Variants in ACE observed in about 807,000 individuals in gnomAD.
The protein encoded by ACE is angiotensin-converting enzyme.
ACE carries 122 observed loss-of-function variants against 162.3 expected under a neutral mutation model. The ratio of observed to expected loss-of-function variants is 0.75; its 90% CI spans 0.65 to 0.87. The LOEUF is 0.87. Among genes scored for constraint, ACE ranks in the 40% least tolerant of loss-of-function variants. The pLI is 0.00. For synonymous variants in ACE, 796 were observed against 720.6 expected (o/e 1.10, Z -1.68); for missense variants, 1,799 against 1,735.1 (o/e 1.04, Z -0.65).
Position 63,479,757 on chromosome 17 carries a change from C to A in ACE, c.512-12C>A. ...GAGGCCTCCTCACCGACCCTGCCTG[C>A]CTGTGTCTCAGATCTCACCAACATC... On this transcript the variant is annotated splice_polypyrimidine_tract_variant and intron_variant, in intron 3 of 24. Coordinates refer to ENST00000290866, the MANE Select transcript of ACE (RefSeq NM_000789.4). The A allele has an allele frequency of 6.2e-7, 1 of 1,613,084 alleles. No individual in the cohort carries two copies. Among genetic ancestry groups the A allele is most frequent in the Non-Finnish European group, 8.5e-7 (1 of 1,180,028 alleles).
intron 9 of ACE, 92 bp from the exon 10 acceptor site, chr17:63,483,368 G>T: frequency 6.8e-7 from 1 of 1,464,400 alleles, no homozygotes; most frequent in East Asian, 2.3e-5. Context: ...GGATGGGGAA[G>T]GGTTGCCGGG....
In ACE at chr17:63,477,078, G is replaced by A; in HGVS notation, c.-17G>A. 1 of 1,297,426 alleles carries A rather than the reference G, an allele frequency of 7.7e-7. No homozygotes were observed. The highest frequency in any genetic ancestry group is 1.6e-5 in the African/African-American group (1 of 63,798). The allele number at this position is 1,297,426 out of a possible 1,614,324, so 80.4% of individuals were successfully genotyped here. Reference sequence around the variant, plus strand: ...GGCGCAGGAGAAGGGGCAGAGCCGAGCACCGCGCACCGCGTCATGGGGGCC... The same window carrying A: ...GGCGCAGGAGAAGGGGCAGAGCCGAACACCGCGCACCGCGTCATGGGGGCC... On this transcript the variant is annotated 5_prime_UTR_variant, in exon 1 of 25. Coordinates refer to ENST00000290866, the MANE Select transcript of ACE (RefSeq NM_000789.4).
rs749019292 is a variant in ACE at position 63,497,162 on chromosome 17, C to T, written c.3717C>T (p.Asp1239=). The change falls in exon 25 of 25, where the codon GAC becomes GAT. Residue 1239 remains aspartate (D), a synonymous_variant. Transcript: ENST00000290866. ...CTCGCTCAGAAGGGCCCCTCCCAGA[C>T]AGCGGCCGCGTCAGCTTCCTGGGCC... ...NSARSEGPLP[D]SGRVSFLGLD... The T allele has an allele frequency of 1.2e-6, 2 of 1,604,380 alleles. No individual in the cohort carries two copies. The highest frequency in any genetic ancestry group is 1.7e-6 in the Non-Finnish European group (2 of 1,179,326).
At chr17:63,486,145 C>T (rs1400888080) in intron 13 of ACE, 1 of 321,150 alleles carries the variant, frequency 3.1e-6, no homozygotes, top group Non-Finnish European at 6.0e-6. Context: ...TGTTACTGTT[C>T]CTTGGCACTT....
In ACE at chr17:63,497,406, C is replaced by T. The variant is rs756512471; in HGVS notation, c.*40C>T. ...GTCGGCCCTGCCCAAGGGCCTCCCA[C>T]CAGAGACTGGGATGGGAACACTGGT... On this transcript the variant is annotated 3_prime_UTR_variant, in exon 25 of 25. Coordinates refer to ENST00000290866, the MANE Select transcript of ACE (RefSeq NM_000789.4). 6.6e-7 allele frequency: 1 copy of T among 1,514,332 alleles called. No individual in the cohort carries two copies. Among genetic ancestry groups the T allele is most frequent in the South Asian group, 1.2e-5 (1 of 83,306 alleles). The allele number at this position is 1,514,332 out of a possible 1,614,324, so 93.8% of individuals were successfully genotyped here. A position where few individuals can be genotyped will look rare whatever the true frequency, so the allele number is the denominator to read the frequency against.
rs1378371903 is a variant in ACE at position 63,493,905 on chromosome 17, G to A, written c.3137-17G>A. On this transcript the variant is annotated splice_polypyrimidine_tract_variant and intron_variant, in intron 20 of 24. Transcript: ENST00000290866. Reference sequence around the variant, plus strand: ...CTAGGACCCTGGGTCTGACAGCTGGGCTCCCTTCCCTTGCAGAGCATGACA... The same window carrying A: ...CTAGGACCCTGGGTCTGACAGCTGGACTCCCTTCCCTTGCAGAGCATGACA... The A allele has an allele frequency of 6.2e-7, 1 of 1,614,180 alleles. No homozygotes were observed. Among genetic ancestry groups the A allele is most frequent in the East Asian group, 2.2e-5 (1 of 44,882 alleles).
At position 63,483,621 on chromosome 17, in the gene ACE, T is replaced by C; in HGVS notation, c.1586+63T>C. On this transcript the variant is annotated intron_variant, in intron 10 of 24. Transcript: ENST00000290866. ...CACACCCTCAATCCACTTCTCCTCC[T>C]GTGATCCTAGCTGCCTCATCCCCAG... 5.8e-6 allele frequency: 7 copies of C among 1,214,378 alleles called. 1 individual carries two copies. In the South Asian group the frequency reaches 7.3e-5, roughly 13 times the overall value. 75.2% of individuals were successfully genotyped at this position (1,214,378 alleles called of 1,614,324 possible).
Position 63,481,157 on chromosome 17 carries a change from A to C in ACE, c.914A>C (p.Asn305Thr). The C allele has an allele frequency of 7.0e-7, 1 of 1,419,724 alleles. No homozygotes were observed. The highest frequency in any genetic ancestry group is 9.4e-7 in the Non-Finnish European group (1 of 1,058,908). The allele number at this position is 1,419,724 out of a possible 1,614,324, so 87.9% of individuals were successfully genotyped here. Residue 305 changes from asparagine (N) to threonine (T), a missense_variant, in exon 6 of 25, where the codon AAC (asparagine) becomes ACC (threonine). By Grantham distance (65) the Asn-to-Thr change is moderately conservative (BLOSUM62 0). Transcript: ENST00000290866. ...DMVVPFPDKP[N>T]LDVTSTMLQQ... ...GTGGTGCCTTTCCCAGACAAGCCCA[A>C]CCTCGATGTCACCAGTACTATGCTG...
chr17:63,479,226 C>A, intron 3 of ACE, 126 bp downstream of exon 3: 1 of 806,462 alleles, frequency 1.2e-6, no homozygotes, highest in Non-Finnish European at 2.1e-6. Flanking sequence ...TGTTGCCCTC[C>A]AACTGGGGCT....
Position 63,491,471 on chromosome 17 carries a change from G to A in ACE, c.2912+90G>A. The A allele has an allele frequency of 2.6e-6, 4 of 1,543,804 alleles. No individual in the cohort carries two copies. Among genetic ancestry groups the A allele is most frequent in the Admixed American group, 1.7e-5 (1 of 59,184 alleles). On this transcript the variant is annotated intron_variant, in intron 19 of 24. Transcript: ENST00000290866. This position sits in a 1 kb window ranked among gnomAD's most constrained non-coding sequence, Gnocchi z 4.4. ...AAGGGTCCACTACTGTCCCCCAGCT[G>A]GAGCCAGCAGGGCAGGATGGGGACA...
chr17:63,483,734 C>G (rs1037340872), intron 10 of ACE, 115 bp from the exon 11 acceptor site: 1 of 1,580,006 alleles, frequency 6.3e-7, no homozygotes, highest in South Asian at 1.1e-5. Flanking sequence ...CCCTTCTCCC[C>G]CAAGATAGCT....
chr17:63,484,303 G>A lies in ACE; in HGVS notation c.1710-27G>A. The A allele has an allele frequency of 6.2e-7, 1 of 1,601,596 alleles. No individual in the cohort carries two copies. Among genetic ancestry groups the A allele is most frequent in the Non-Finnish European group, 8.5e-7 (1 of 1,176,338 alleles). ...GCAGACTCCAGCCTGAGTCCCCTGT[G>A]CCCATGGTACCCACTCTGCCCACCA... On this transcript the variant is annotated intron_variant, in intron 11 of 24. Transcript: ENST00000290866. The surrounding 1 kb of genome is among the most constrained non-coding windows in gnomAD (Gnocchi z 4.0).
At position 63,497,151 on chromosome 17, in the gene ACE, C is replaced by T; in HGVS notation, c.3706C>T (p.Pro1236Ser). 1.2e-6 allele frequency: 2 copies of T among 1,604,156 alleles called. No individual in the cohort carries two copies. Among genetic ancestry groups the T allele is most frequent in the Non-Finnish European group, 1.7e-6 (2 of 1,179,252 alleles). ...TTCCCGCTCAGCTCGCTCAGAAGGG[C>T]CCCTCCCAGACAGCGGCCGCGTCAG... The part of the protein sequence containing the change: ...WTPNSARSEG[P>S]LPDSGRVSFL... Residue 1236 changes from proline to serine, a missense_variant, in exon 25 of 25, where the codon CCC becomes TCC. Pro to Ser is a moderately conservative substitution (Grantham distance 74). Coordinates refer to ENST00000290866, the MANE Select transcript of ACE (RefSeq NM_000789.4).
chr17:63,490,674 G>C (rs2030309187), intron 17 of ACE: 2 of 482,170 alleles, frequency 4.1e-6, no homozygotes, highest in Non-Finnish European at 7.7e-6. Flanking sequence ...GTCAGCAGTT[G>C]CTAGTCACAT....
chr17:63,479,006 G>C lies in ACE; in HGVS notation c.418-1G>C. On this transcript the variant is annotated splice_acceptor_variant, in intron 2 of 24. Transcript: ENST00000290866. LOFTEE classifies it high-confidence loss of function. ...AGCATTCCTCCCCTCTGACTCCCCA[G>C]TACAACGCCCTGCTAAGCAACATGA... 6.2e-7 allele frequency: 1 copy of C among 1,613,250 alleles called. No homozygotes were observed. Among genetic ancestry groups the C allele is most frequent in the Non-Finnish European group, 8.5e-7 (1 of 1,179,726 alleles).
Position 63,483,567 on chromosome 17 carries a change from G to GCGGGGGGGGCC in ACE, c.1586+10_1586+11insGGGGGGGGCCC. 3 of 1,589,500 alleles carry GCGGGGGGGGCC rather than the reference G, an allele frequency of 1.9e-6. No homozygotes were observed. The highest frequency in any genetic ancestry group is 2.6e-6 in the Non-Finnish European group (3 of 1,165,626). Reference sequence around the variant, plus strand: ...GTGACACCATACATCAGGTATTAGCGCCCCCACCCCACCCACCCCCAGTAC... The same window carrying GCGGGGGGGGCC: ...GTGACACCATACATCAGGTATTAGCGCGGGGGGGGCCCCCCCACCCCACCCACCCCCAGTAC... On this transcript the variant is annotated intron_variant, in intron 10 of 24. Coordinates refer to ENST00000290866, the MANE Select transcript of ACE (RefSeq NM_000789.4).
In ACE at chr17:63,477,174, C is replaced by G. The variant is rs774092241; in HGVS notation, c.80C>G (p.Ala27Gly). The change falls in exon 1 of 25, where the codon GCC becomes GGC. Residue 27 changes from alanine (A) to glycine (G), a missense_variant. Coordinates refer to ENST00000290866, the MANE Select transcript of ACE (RefSeq NM_000789.4). The part of the protein sequence containing the change: ...PLLLLLPPQP[A>G]LALDPGLQPG... ...CTGTTGCTGCTGCCGCCGCAGCCCG[C>G]CCTGGCGTTGGACCCCGGGCTGCAG... The G allele has an allele frequency of 2.1e-6, 3 of 1,463,392 alleles. No individual in the cohort carries two copies. In the African/African-American group the frequency reaches 4.4e-5, roughly 22 times the overall value. The allele number at this position is 1,463,392 out of a possible 1,614,324, so 90.7% of individuals were successfully genotyped here. A position where few individuals can be genotyped will look rare whatever the true frequency, so the allele number is the denominator to read the frequency against.
chr17:63,489,258 T>G, intron 17 of ACE, 126 bp downstream of exon 17: 1 of 1,211,306 alleles, frequency 8.3e-7, no homozygotes, highest in Non-Finnish European at 1.2e-6. Context: ...CTGTGGGGGA[T>G]GGTTGCCCAG....
chr17:63,481,234 G>GGGGGGGGGGGGGC, intron 6 of ACE, 46 bp downstream of exon 6: 1 of 624,020 alleles, frequency 1.6e-6, no homozygotes, highest in Non-Finnish European at 3.0e-6. Flanking sequence ...CGGGGGTGGG[G>GGGGGGGGGGGGGC]CGCAAAAAAA....
Sources: gnomAD v4.1 joint callset for allele counts on GRCh38, gnomAD v4.1.1 for gene constraint, Gnocchi (gnomAD v3.1) non-coding constraint, MANE v1.5 for transcripts, NCBI Gene and HGNC (gene_info 2026-07-23, HGNC 2026-07-21) for gene names.